The following TMC3 variants were observed in gnomAD, a reference collection of about 807,000 sequenced individuals.
TMC3 encodes transmembrane channel-like protein 3.
A neutral mutation model predicts 110.6 loss-of-function variants in TMC3; 98 were observed. That is an observed-to-expected ratio of 0.89 (90% CI 0.75 to 1.05). TMC3 has a LOEUF of 1.05. TMC3 is among the 50% of genes least tolerant of loss of function. The pLI is 0.00. For missense variants in TMC3, 1,319 were observed against 1,373.2 expected (o/e 0.96, Z 0.62); for synonymous variants, 489 against 513.1 (o/e 0.95, Z 0.63).
chr15:81,361,660 T>C (rs1894190215), intron 4 of TMC3, among the ~76,000 whole-genome samples: 1 of 152,202 alleles, frequency 6.6e-6, no homozygotes, highest in South Asian at 2.1e-4. Flanking sequence ...TTTTGGAAAA[T>C]TAACATCTTC....
rs1009609551 is a variant in TMC3, at chr15:81,362,223, C to T, written c.391G>A (p.Glu131Lys). 7.5e-6 allele frequency: 12 copies of T among 1,607,098 alleles called. No individual in the cohort carries two copies. The highest frequency in any genetic ancestry group is 4.5e-5 in the South Asian group (4 of 89,506). The change falls in exon 4 of 22, where the codon GAG (glutamate) becomes AAG (lysine). Residue 131 changes from glutamate (E) to lysine (K), a missense_variant. Physicochemically the swap from Glu to Lys is moderately conservative, Grantham distance 56. Coordinates refer to ENST00000359440, the MANE Select transcript of TMC3 (RefSeq NM_001080532.3). The part of the protein sequence containing the change: ...IPWEMRIKKI[E>K]SHFGSGVASY... ...CTCTCCAGGTGTAAATACTTACTCT[C>T]GATTTTCTTTATCCTCATTTCCCAG...
At chr15:81,368,384 C>A (rs1350588342) in intron 2 of TMC3, 56 bp from the exon 3 acceptor site, 4 of 1,391,708 alleles carry the variant, frequency 2.9e-6, no homozygotes, top group African/African-American at 2.8e-5. Flanking sequence ...ACAATTTCTG[C>A]AAAATGTGTA....
intron 3 of TMC3, among the ~76,000 whole-genome samples, chr15:81,366,712 G>A (rs984985446): frequency 2.6e-5 from 4 of 152,182 alleles, no homozygotes; most frequent in Non-Finnish European, 4.4e-5. Flanking sequence ...AGGAGTCATG[G>A]ATGATTTGGT....
intron 18 of TMC3, 75 bp from the exon 19 acceptor site, chr15:81,337,999 A>T: frequency 2.4e-6 from 3 of 1,226,118 alleles, no homozygotes; most frequent in Non-Finnish European, 3.6e-6. Flanking sequence ...TTCCCTGCAG[A>T]TAGTTGGCAG....
At chr15:81,372,486 C>T in intron 2 of TMC3, 105 bp downstream of exon 2, 1 of 1,400,318 alleles carries the variant, frequency 7.1e-7, no homozygotes, top group Non-Finnish European at 1.0e-6. Flanking sequence ...AGTGACTGAG[C>T]CATCTCTCTC....
At chr15:81,352,398 A>C (rs1893970146) in intron 9 of TMC3, among the ~76,000 whole-genome samples, 2 of 152,214 alleles carry the variant, frequency 1.3e-5, no homozygotes, top group African/African-American at 4.8e-5. Context: ...CCTATGGCCT[A>C]GGACATTGTA....
chr15:81,358,207 C>A lies in TMC3; in HGVS notation c.685G>T (p.Ala229Ser), dbSNP rs778387165. The A allele has an allele frequency of 6.2e-7, 1 of 1,613,230 alleles. No individual in the cohort carries two copies. The highest frequency in any genetic ancestry group is 1.1e-5 in the South Asian group (1 of 90,932). Residue 229 changes from alanine (A) to serine (S), a missense_variant, in exon 7 of 22, where the codon GCG (alanine) becomes TCG (serine). Ala to Ser is a moderately conservative substitution (Grantham distance 99). Coordinates refer to ENST00000359440, the MANE Select transcript of TMC3 (RefSeq NM_001080532.3). ...IGRAGYRLPL[A>S]YFLVGMAVFA... is the part of the protein sequence containing the mutation. ...ACTGCCATCCCCACTAGGAAATACG[C>A]CAAGGGCAGCCGGTAGCCAGCTCTC... is the stretch of plus-strand genomic sequence containing the variant.
At chr15:81,370,851 T>C (rs1433396684) in intron 2 of TMC3, among the ~76,000 whole-genome samples, 3 of 152,028 alleles carry the variant, frequency 2.0e-5, no homozygotes, top group Non-Finnish European at 2.9e-5. Context: ...ATTTTTGTAT[T>C]TTTAATAGAG....
intron 12 of TMC3, 60 bp from the exon 13 acceptor site, chr15:81,345,071 A>C: frequency 6.5e-7 from 1 of 1,528,186 alleles, no homozygotes; most frequent in African/African-American, 1.4e-5. Context: ...GGCGGTCCAC[A>C]TATTTGTAAA....
chr15:81,336,793 C>T (rs757289780), intron 19 of TMC3, 142 bp from the exon 20 acceptor site: 66 of 840,974 alleles, frequency 7.8e-5, no homozygotes, highest in Non-Finnish European at 1.1e-4. Context: ...CCCCTATGGA[C>T]GGTATGCTCT....
intron 16 of TMC3, among the ~76,000 whole-genome samples, chr15:81,340,164 A>G (rs1444154853): frequency 2.0e-5 from 3 of 152,098 alleles, no homozygotes; most frequent in Admixed American, 6.5e-5. Context: ...TGAGGGGTCA[A>G]TCTAGTTACT....
chr15:81,351,202 C>T (rs932281114), intron 10 of TMC3, among the ~76,000 whole-genome samples: 5 of 152,144 alleles, frequency 3.3e-5, no homozygotes. Context: ...ATAAAATTGC[C>T]AAGCCTTAGT....
At chr15:81,358,538 G>A in intron 5 of TMC3, 38 bp from the exon 6 acceptor site, 1 of 1,538,392 alleles carries the variant, frequency 6.5e-7, no homozygotes, top group South Asian at 1.2e-5. Context: ...GGTCCTCTGG[G>A]TGGGAGGGGA....
At chr15:81,349,368 C>G in intron 11 of TMC3, 90 bp downstream of exon 11, 3 of 723,086 alleles carry the variant, frequency 4.1e-6, no homozygotes, top group Admixed American at 8.5e-5. Context: ...AGAAAAGAAG[C>G]AAGCCCTGGC....
intron 12 of TMC3, among the ~76,000 whole-genome samples, chr15:81,345,999 C>T (rs756855035): frequency 2.0e-5 from 3 of 152,202 alleles, no homozygotes; most frequent in Non-Finnish European, 2.9e-5. Context: ...TCTGTCCTGA[C>T]TTTCTGAGTG....
chr15:81,357,617 C>A (rs1263092443), intron 7 of TMC3, among the ~76,000 whole-genome samples: 1 of 152,136 alleles, frequency 6.6e-6, no homozygotes, highest in Non-Finnish European at 1.5e-5. Flanking sequence ...GCGTCTTTTG[C>A]ATTTTGCCTC....
At chr15:81,341,649 G>A in intron 15 of TMC3, 131 bp from the exon 16 acceptor site, 5 of 981,314 alleles carry the variant, frequency 5.1e-6, no homozygotes, top group Non-Finnish European at 7.2e-6. Flanking sequence ...GACTGGAAAA[G>A]CCCCTGAAGT....
Position 81,351,770 on chromosome 15 carries a change from A to G in TMC3, c.1007T>C (p.Leu336Pro). ...GGACCGGTCCACCACAAAGTAGATG[A>G]GATAAATGCTCCCAGCCAGTGAGAG... ...VLLSLAGSIY[L>P]IYFVVDRSQK... Residue 336 changes from leucine (L) to proline (P), a missense_variant, in exon 10 of 22, where the codon CTC becomes CCC. Coordinates refer to ENST00000359440, the MANE Select transcript of TMC3 (RefSeq NM_001080532.3). 6.2e-7 allele frequency: 1 copy of G among 1,604,942 alleles called. No individual in the cohort carries two copies. Among genetic ancestry groups the G allele is most frequent in the South Asian group, 1.1e-5 (1 of 88,892 alleles).
At chr15:81,361,568 T>A (rs1399520669) in intron 4 of TMC3, among the ~76,000 whole-genome samples, 1 of 152,242 alleles carries the variant, frequency 6.6e-6, no homozygotes, top group Non-Finnish European at 1.5e-5. Context: ...TCCTTCCATA[T>A]AAGTTTTATG....
Sources: gnomAD v4.1 joint callset for allele counts (sites outside exome capture counted in the v4.1 genomes callset) on GRCh38, gnomAD v4.1.1 for gene constraint, MANE v1.5 for transcripts, NCBI Gene and HGNC (gene_info 2026-07-23, HGNC 2026-07-21) for gene names.